Variants in AK4 observed in about 807,000 individuals in gnomAD.
The protein encoded by AK4 is adenylate kinase 4, mitochondrial.
A neutral mutation model predicts 24.6 loss-of-function variants in AK4; 13 were observed. That is an observed-to-expected ratio of 0.53 (90% CI 0.34 to 0.84). The LOEUF (loss-of-function observed/expected upper bound fraction) is 0.84. Among genes scored for constraint, AK4 ranks in the 40% least tolerant of loss-of-function variants. AK4 has a pLI of 0.01. For synonymous variants in AK4, 88 were observed against 107.0 expected (o/e 0.82, Z 1.10); for missense variants, 192 against 288.2 (o/e 0.67, Z 2.42).
intron 1 of AK4, among the ~76,000 whole-genome samples, chr1:65,179,032 A>G (rs887193607): frequency 2.0e-5 from 3 of 152,006 alleles, no homozygotes; most frequent in African/African-American, 7.3e-5. Context: ...TGTGTCTAGG[A>G]TGGATTGGGG....
At chr1:65,170,557 T>C (rs1650481932) in intron 1 of AK4, among the ~76,000 whole-genome samples, 1 of 152,232 alleles carries the variant, frequency 6.6e-6, no homozygotes, top group Admixed American at 6.5e-5. Context: ...AACAGCACGT[T>C]TGAAACTTTG....
chr1:65,218,612 C>T (rs1652202298), intron 2 of AK4, 142 bp from the exon 3 acceptor site: 1 of 659,420 alleles, frequency 1.5e-6, no homozygotes, highest in Non-Finnish European at 2.3e-6. Flanking sequence ...GTTTGGGATG[C>T]AAATGATCCC....
chr1:65,218,867 T>G lies in AK4; in HGVS notation c.379T>G (p.Trp127Gly). The G allele has an allele frequency of 6.2e-7, 1 of 1,610,624 alleles. No individual in the cohort carries two copies. The highest frequency in any genetic ancestry group is 8.5e-7 in the Non-Finnish European group (1 of 1,178,444). The part of the protein sequence containing the change: ...ETLKDRLSRR[W>G]IHPPSGRVYN... ...ACTTAAAGATCGTCTCAGCCGCCGTTGGATTCACCCTCCTAGCGGAAGGGT... is the reference window on the plus strand; with the variant it reads ...ACTTAAAGATCGTCTCAGCCGCCGTGGGATTCACCCTCCTAGCGGAAGGGT... Residue 127 changes from tryptophan (W) to glycine (G), a missense_variant, in exon 3 of 5, where the codon TGG becomes GGG. Physicochemically the swap from Trp to Gly is radical, Grantham distance 184. Coordinates refer to ENST00000327299, the MANE Select transcript of AK4 (RefSeq NM_013410.4).
At chr1:65,210,583 A>T (rs936038811) in intron 2 of AK4, among the ~76,000 whole-genome samples, 15 of 152,016 alleles carry the variant, frequency 9.9e-5, no homozygotes, top group South Asian at 2.1e-4. Context: ...GTTACCGAGG[A>T]CTTTCTCCTA....
intron 1 of AK4, among the ~76,000 whole-genome samples, chr1:65,185,056 G>A (rs1651050893): frequency 6.6e-6 from 1 of 152,180 alleles, no homozygotes; most frequent in Non-Finnish European, 1.5e-5. Context: ...CGTACTGCTT[G>A]TGTTGAATTA....
At chr1:65,216,113 A>G (rs1652122204) in intron 2 of AK4, among the ~76,000 whole-genome samples, 1 of 151,312 alleles carries the variant, frequency 6.6e-6, no homozygotes, top group South Asian at 2.1e-4. Flanking sequence ...TTATTTACCC[A>G]TGCAGTTTCA....
intron 1 of AK4, among the ~76,000 whole-genome samples, chr1:65,152,342 CTCTCTCTCTCTCTCTCTCTATATA>C (rs1192374822): frequency 1.2e-4 from 5 of 42,574 alleles, no homozygotes; most frequent in African/African-American, 4.4e-4. Flanking sequence ...CTCTCTCTCT[CTCTCTCTCTCTCTCTCTCTATATA>C]TATATATATA....
At chr1:65,195,580 C>T (rs1482403640) in intron 2 of AK4, among the ~76,000 whole-genome samples, 2 of 152,112 alleles carry the variant, frequency 1.3e-5, no homozygotes, top group South Asian at 2.1e-4. Context: ...GAGCATGGAC[C>T]CGGGTGCTGC....
intron 2 of AK4, among the ~76,000 whole-genome samples, chr1:65,215,170 TTCTTTC>T (rs997809477): frequency 9.3e-5 from 12 of 128,822 alleles, no homozygotes; most frequent in East Asian, 3.6e-4. Flanking sequence ...TTTTCTTTCT[TTCTTTC>T]TTTTTTTTTT....
In AK4 at chr1:65,226,090, C is replaced by T. The variant is rs764116417; in HGVS notation, c.585C>T (p.Ser195=). ...YKSRGVLHQF[S]GTETNKIWPY... ...GCCGAGGAGTGCTCCACCAATTTTC[C>T]GGAACGGAGACGAACAAAATCTGGC... is the stretch of plus-strand genomic sequence containing the variant. Residue 195 remains serine, a synonymous_variant, in exon 5 of 5, where the codon TCC becomes TCT. Transcript: ENST00000327299. 5.3e-5 allele frequency: 85 copies of T among 1,611,714 alleles called. No individual in the cohort carries two copies. Among genetic ancestry groups the T allele is most frequent in the East Asian group, 2.2e-4 (10 of 44,868 alleles).
chr1:65,152,313 G>GCTCT (rs1557434175), intron 1 of AK4, among the ~76,000 whole-genome samples: 1 of 62,884 alleles, frequency 1.6e-5, no homozygotes, highest in African/African-American at 6.5e-5. Flanking sequence ...TTCTGCACTT[G>GCTCT]CTATCTCTCT....
chr1:65,182,537 T>TA (rs961359415), intron 1 of AK4, among the ~76,000 whole-genome samples: 226 of 144,984 alleles, frequency 1.6e-3, no homozygotes, highest in Middle Eastern at 7.1e-3. Context: ...GACATTCAGA[T>TA]AAAAAAAAAA....
At chr1:65,204,170 T>C (rs1447738628) in intron 2 of AK4, among the ~76,000 whole-genome samples, 8 of 152,030 alleles carry the variant, frequency 5.3e-5, no homozygotes, top group Non-Finnish European at 1.0e-4. Context: ...CATCAGACTT[T>C]ATATGCTTTA....
intron 1 of AK4, among the ~76,000 whole-genome samples, chr1:65,168,939 C>G (rs1276244049): frequency 2.6e-5 from 4 of 152,140 alleles, no homozygotes; most frequent in Non-Finnish European, 5.9e-5. Flanking sequence ...CTTTGGCAGG[C>G]TGAGGTGGGA....
chr1:65,154,768 A>G (rs1649921416), intron 1 of AK4: 1 of 258,328 alleles, frequency 3.9e-6, no homozygotes, highest in African/African-American at 2.2e-5. Context: ...ATTGTGTACA[A>G]ATCACTGGAC....
At chr1:65,152,378 ATATATATT>A (rs1649819310) in intron 1 of AK4, among the ~76,000 whole-genome samples, 1 of 58,216 alleles carries the variant, frequency 1.7e-5, no homozygotes, top group African/African-American at 5.9e-5. Flanking sequence ...ATATATATAT[ATATATATT>A]TTTTTTTTTT....
At chr1:65,167,494 G>C (rs1650370163) in intron 1 of AK4, among the ~76,000 whole-genome samples, 1 of 149,442 alleles carries the variant, frequency 6.7e-6, no homozygotes, top group Admixed American at 6.6e-5. Context: ...TACTTTAGTG[G>C]CTTAGTTTAA....
At chr1:65,220,131 T>C (rs532704568) in intron 3 of AK4, among the ~76,000 whole-genome samples, 8 of 152,378 alleles carry the variant, frequency 5.3e-5, no homozygotes, top group Non-Finnish European at 1.2e-4. Flanking sequence ...CCACAGTTTA[T>C]TCGTTTTGAA....
At chr1:65,172,429 G>A (rs911716448) in intron 1 of AK4, among the ~76,000 whole-genome samples, 4 of 151,970 alleles carry the variant, frequency 2.6e-5, no homozygotes, top group Admixed American at 1.3e-4. Context: ...TTTATTTGGC[G>A]GTGGAGAAAG....
Sources: gnomAD v4.1 joint callset for allele counts (sites outside exome capture counted in the v4.1 genomes callset) on GRCh38, gnomAD v4.1.1 for gene constraint, MANE v1.5 for transcripts, NCBI Gene and HGNC (gene_info 2026-07-23, HGNC 2026-07-21) for gene names.